DNAH2: variants seen among roughly 807,000 people sequenced by gnomAD.
The protein encoded by DNAH2 is axonemal beta dynein heavy chain 2.
Under a neutral mutation model 523.5 loss-of-function variants are expected in DNAH2, and 323 were observed. That is an observed-to-expected ratio of 0.62 (90% CI 0.56 to 0.68). The LOEUF is 0.68. Ranked by LOEUF, DNAH2 falls within the 30% of genes least tolerant of loss-of-function variation. DNAH2 has a pLI of 0.00. For missense variants in DNAH2, 4,907 were observed against 5,701.5 expected (o/e 0.86, Z 4.49); for synonymous variants, 2,093 against 2,177.4 (o/e 0.96, Z 1.08).
chr17:7,814,604 T>C (rs975999286), intron 63 of DNAH2, among the ~76,000 whole-genome samples: 1 of 152,240 alleles, frequency 6.6e-6, no homozygotes, highest in African/African-American at 2.4e-5. Context: ...TTGGGCGTGG[T>C]GGCTCACGCC....
rs910839447 is a variant in DNAH2, at chr17:7,742,989, A to C, written c.1751A>C (p.Tyr584Ser). The change falls in exon 12 of 86, where the codon TAT (tyrosine) becomes TCT (serine). Residue 584 changes from tyrosine (Y) to serine (S), a missense_variant. Tyr to Ser is a moderately radical substitution (Grantham distance 144). Transcript: ENST00000572933. ...IGTGKESVHT[Y>S]QQMVQAIDEL... ...ACTGGAAAGGAGAGTGTGCACACCTATCAGCAGATGGTCCAGGCCATTGAT... is the reference window on the plus strand; with the variant it reads ...ACTGGAAAGGAGAGTGTGCACACCTCTCAGCAGATGGTCCAGGCCATTGAT... 3 of 1,515,036 alleles carry C rather than the reference A, an allele frequency of 2.0e-6. No individual in the cohort carries two copies. The highest frequency in any genetic ancestry group is 1.4e-5 in the South Asian group (1 of 73,330). The allele number at this position is 1,515,036 out of a possible 1,614,324, so 93.8% of individuals were successfully genotyped here.
At chr17:7,782,106 G>A (rs961001438) in intron 39 of DNAH2, among the ~76,000 whole-genome samples, 4 of 152,116 alleles carry the variant, frequency 2.6e-5, no homozygotes, top group African/African-American at 9.7e-5. Context: ...ACCAAAGCTG[G>A]CCTTCTCCCT....
intron 12 of DNAH2, among the ~76,000 whole-genome samples, chr17:7,755,735 G>A (rs899495237): frequency 1.3e-5 from 2 of 152,000 alleles, no homozygotes; most frequent in Admixed American, 6.6e-5. Flanking sequence ...GAAGGAGGAG[G>A]CCACTGGATA....
Position 7,831,549 on chromosome 17 carries a change from A to G in DNAH2, c.12611+8A>G, listed in dbSNP as rs375865777. On this transcript the variant is annotated splice_region_variant and intron_variant, in intron 81 of 85. Coordinates refer to ENST00000572933, the MANE Select transcript of DNAH2 (RefSeq NM_020877.5). The surrounding 1 kb of genome is among the most constrained non-coding windows in gnomAD (Gnocchi z 4.2). Reference sequence around the variant, plus strand: ...ACTGATGCAGACCATCCTGTAAGACAGAGGGGGACTCTGCGGAACAGGGGA... The same window carrying G: ...ACTGATGCAGACCATCCTGTAAGACGGAGGGGGACTCTGCGGAACAGGGGA... 2.5e-6 allele frequency: 4 copies of G among 1,614,050 alleles called. No homozygotes were observed. The highest frequency in any genetic ancestry group is 3.4e-6 in the Non-Finnish European group (4 of 1,180,020).
Position 7,774,981 on chromosome 17 carries a change from G to A in DNAH2, c.4719+5G>A, listed in dbSNP as rs1381210997. 7 of 1,613,154 alleles carry A rather than the reference G, an allele frequency of 4.3e-6. No individual in the cohort carries two copies. Among genetic ancestry groups the A allele is most frequent in the Non-Finnish European group, 5.1e-6 (6 of 1,179,920 alleles). ...AAGTTGCTGAGAATCCAGAAGGTCA[G>A]TAGAAGTGGCCACAGTGAGATGCTG... On this transcript the variant is annotated splice_donor_5th_base_variant and intron_variant, in intron 29 of 85. Transcript: ENST00000572933.
chr17:7,830,964 G>A, intron 79 of DNAH2, 122 bp downstream of exon 79: 2 of 1,514,970 alleles, frequency 1.3e-6, no homozygotes, highest in Non-Finnish European at 1.8e-6. Context: ...GAGTTTGTGG[G>A]ATTGAGATGG....
At chr17:7,775,472 G>C in intron 30 of DNAH2, 130 bp downstream of exon 30, 2 of 825,648 alleles carry the variant, frequency 2.4e-6, no homozygotes, top group Non-Finnish European at 3.8e-6. Flanking sequence ...GATCACCTGA[G>C]GTCGGGAGTT....
At chr17:7,722,964 CTTTTTTTTTTTTTTT>C (rs559136734) in intron 2 of DNAH2, among the ~76,000 whole-genome samples, 1 of 114,698 alleles carries the variant, frequency 8.7e-6, no homozygotes, top group Middle Eastern at 4.6e-3. Flanking sequence ...CTTTTCTTTC[CTTTTTTTTTTTTTTT>C]TTTTTTTGAG....
chr17:7,832,474 A>C lies in DNAH2; in HGVS notation c.12727-105A>C. ...CAGTGAGCCAAGATCGTACCACTGC[A>C]CTCCAGCCTGGGGGACAAGAGCAAA... On this transcript the variant is annotated intron_variant, in intron 82 of 85. Transcript: ENST00000572933. The surrounding 1 kb of genome is among the most constrained non-coding windows in gnomAD (Gnocchi z 4.3). The C allele has an allele frequency of 7.3e-7, 1 of 1,373,282 alleles. No homozygotes were observed. 85.1% of individuals were successfully genotyped at this position (1,373,282 alleles called of 1,614,324 possible). A position where few individuals can be genotyped will look rare whatever the true frequency, so the allele number is the denominator to read the frequency against.
At position 7,786,704 on chromosome 17, in the gene DNAH2, G is replaced by A. The variant is rs773227346; in HGVS notation, c.6466+17G>A. The A allele has an allele frequency of 1.9e-6, 3 of 1,612,546 alleles. No homozygotes were observed. Among genetic ancestry groups the A allele is most frequent in the Admixed American group, 1.7e-5 (1 of 59,968 alleles). On this transcript the variant is annotated intron_variant, in intron 41 of 85. Transcript: ENST00000572933. The surrounding 1 kb of genome is among the most constrained non-coding windows in gnomAD (Gnocchi z 7.5). ...CATGTGCAGGTATCCAGAGGATCGT[G>A]GGGTGTGGAGAGCAGACGCCTGAGT...
intron 63 of DNAH2, among the ~76,000 whole-genome samples, chr17:7,814,006 T>C (rs2077589513): frequency 6.6e-6 from 1 of 152,080 alleles, no homozygotes. Context: ...CTGACTTCAC[T>C]GTGCTTATAT....
intron 48 of DNAH2, 45 bp downstream of exon 48, chr17:7,793,250 G>A: frequency 6.3e-7 from 1 of 1,587,996 alleles, no homozygotes; most frequent in East Asian, 2.2e-5. Flanking sequence ...GCTCCTTCTG[G>A]GATAGGCTCA....
chr17:7,753,926 C>T (rs746560064), intron 12 of DNAH2, among the ~76,000 whole-genome samples: 34 of 151,868 alleles, frequency 2.2e-4, no homozygotes, highest in Non-Finnish European at 4.1e-4. Context: ...CCAGCCTGGG[C>T]GACGGAGCAA....
Position 7,758,925 on chromosome 17 carries a change from C to A in DNAH2, c.2249C>A (p.Thr750Asn), listed in dbSNP as rs2075923583. ...AATGAGTTCAAGGCATCCACTCTGACCATTGGCTGGCGAGCCCAAGAGATG... is the reference window on the plus strand; with the variant it reads ...AATGAGTTCAAGGCATCCACTCTGAACATTGGCTGGCGAGCCCAAGAGATG... ...IVNEFKASTLTIGWRAQEMSE... is the reference protein window; with the variant it reads ...IVNEFKASTLNIGWRAQEMSE... The change falls in exon 15 of 86, where the codon ACC becomes AAC. Residue 750 changes from threonine (T) to asparagine (N), a missense_variant. Physicochemically the swap from Thr to Asn is moderately conservative, Grantham distance 65. This residue lies in a region of DNAH2 where 2,806 missense variants were observed against 3,190.8 expected (regional missense o/e 0.88). Transcript: ENST00000572933. 1.9e-6 allele frequency: 3 copies of A among 1,614,184 alleles called. No individual in the cohort carries two copies. The highest frequency in any genetic ancestry group is 2.5e-6 in the Non-Finnish European group (3 of 1,180,034).
chr17:7,798,096 C>A lies in DNAH2; in HGVS notation c.8231-61C>A. 6.6e-7 allele frequency: 1 copy of A among 1,524,814 alleles called. No homozygotes were observed. The allele number at this position is 1,524,814 out of a possible 1,614,324, so 94.5% of individuals were successfully genotyped here. A position where few individuals can be genotyped will look rare whatever the true frequency, so the allele number is the denominator to read the frequency against. On this transcript the variant is annotated intron_variant, in intron 53 of 85. Coordinates refer to ENST00000572933, the MANE Select transcript of DNAH2 (RefSeq NM_020877.5). This position sits in a 1 kb window ranked among gnomAD's most constrained non-coding sequence, Gnocchi z 5.5. Reference sequence around the variant, plus strand: ...AGGGGCCCCAATCCCTAGCCTAGGGCCTGGAGGTCCCCTGAGTTTGCTCAG... The same window carrying A: ...AGGGGCCCCAATCCCTAGCCTAGGGACTGGAGGTCCCCTGAGTTTGCTCAG...
At position 7,833,527 on chromosome 17, in the gene DNAH2, C is replaced by G; in HGVS notation, c.13278C>G (p.Asp4426Glu). 7 of 1,613,728 alleles carry G rather than the reference C, an allele frequency of 4.3e-6. No homozygotes were observed. Among genetic ancestry groups the G allele is most frequent in the Non-Finnish European group, 5.9e-6 (7 of 1,179,988 alleles). The change falls in exon 86 of 86, where the codon GAC (aspartate) becomes GAG (glutamate). Residue 4426 changes from aspartate to glutamate, a missense_variant. Around this residue, in one of 3 missense-constraint regions of DNAH2, gnomAD observed 1,851 missense variants for 2,139.4 expected, o/e 0.87. Coordinates refer to ENST00000572933, the MANE Select transcript of DNAH2 (RefSeq NM_020877.5). The stretch of plus-strand genomic sequence containing the variant: ...GCACTGCTCTACTCATGAGCCTGGA[C>G]AGCTGAGACCTCCTCCTCTTCTCCG... Reference protein sequence around the residue: ...KRGTALLMSLDS With the variant: ...KRGTALLMSLES
At chr17:7,788,957 G>A (rs1401091630) in intron 44 of DNAH2, among the ~76,000 whole-genome samples, 1 of 152,206 alleles carries the variant, frequency 6.6e-6, no homozygotes, top group Admixed American at 6.5e-5. Flanking sequence ...CTGAGGTCAG[G>A]AGTTCGAGAC....
In DNAH2 at chr17:7,821,284, T is replaced by A. The variant is rs766276694; in HGVS notation, c.11057T>A (p.Phe3686Tyr). ...CTTTTCGAACGCCACAAACTACTAT[T>A]CAGTTTTCATATGTGTGCCAAAATC... is the stretch of plus-strand genomic sequence containing the variant. ...RTLFERHKLL[F>Y]SFHMCAKILE... Residue 3686 changes from phenylalanine to tyrosine, a missense_variant, in exon 73 of 86, where the codon TTC (phenylalanine) becomes TAC (tyrosine). Coordinates refer to ENST00000572933, the MANE Select transcript of DNAH2 (RefSeq NM_020877.5). The surrounding 1 kb of genome is among the most constrained non-coding windows in gnomAD (Gnocchi z 5.0). 1.2e-6 allele frequency: 2 copies of A among 1,613,970 alleles called. No individual in the cohort carries two copies. Among genetic ancestry groups the A allele is most frequent in the South Asian group, 2.2e-5 (2 of 91,038 alleles).
intron 44 of DNAH2, among the ~76,000 whole-genome samples, chr17:7,791,127 G>A (rs554078067): frequency 2.5e-4 from 38 of 151,610 alleles, no homozygotes; most frequent in Admixed American, 9.9e-4. Context: ...AGGCTGGAGC[G>A]CAGCGGTGCC....
Sources: allele counts gnomAD v4.1 joint callset (sites outside exome capture counted in the v4.1 genomes callset), GRCh38; gene constraint gnomAD v4.1.1; regional missense constraint gnomAD v4.1.1; non-coding constraint Gnocchi (gnomAD v3.1); transcripts MANE v1.5; gene names NCBI Gene and HGNC (gene_info 2026-07-23, HGNC 2026-07-21).